PRICKLE2: variants seen among roughly 807,000 people sequenced by gnomAD.
The protein encoded by PRICKLE2 is prickle planar cell polarity protein 2.
A neutral mutation model predicts 81.4 loss-of-function variants in PRICKLE2; 21 were observed. The ratio of observed to expected loss-of-function variants is 0.26; its 90% CI spans 0.18 to 0.37. PRICKLE2 has a LOEUF of 0.37. Ranked by LOEUF, PRICKLE2 falls within the 10% of genes least tolerant of loss-of-function variation. PRICKLE2 has a pLI of 1.00. For missense variants in PRICKLE2, 940 were observed against 1,109.0 expected (o/e 0.85, Z 2.16); for synonymous variants, 456 against 421.5 (o/e 1.08, Z -1.00).
At chr3:64,123,618 T>G (rs2077062834) in intron 7 of PRICKLE2, among the ~76,000 whole-genome samples, 1 of 152,244 alleles carries the variant, frequency 6.6e-6, no homozygotes, top group African/African-American at 2.4e-5. Flanking sequence ...TGTGTCTCTG[T>G]CACATTGTGG....
intron 2 of PRICKLE2, among the ~76,000 whole-genome samples, chr3:64,189,945 T>G (rs2078302232): frequency 6.6e-6 from 1 of 152,112 alleles, no homozygotes; most frequent in Admixed American, 6.5e-5. Context: ...GCAAGCAAGG[T>G]AGTTGGACTG....
chr3:64,126,783 G>C (rs1221744645), intron 7 of PRICKLE2, among the ~76,000 whole-genome samples: 1 of 152,036 alleles, frequency 6.6e-6, no homozygotes, highest in African/African-American at 2.4e-5. Context: ...TCACCACGTT[G>C]GCCAGACTGG....
At chr3:64,187,519 G>A (rs1255254703) in intron 2 of PRICKLE2, 1 of 152,222 alleles carries the variant, frequency 6.6e-6, no homozygotes, top group Non-Finnish European at 1.5e-5. Context: ...GGAGAGACAT[G>A]CATCTCCCTG....
intron 6 of PRICKLE2, among the ~76,000 whole-genome samples, chr3:64,148,982 A>G (rs2077501090): frequency 6.6e-6 from 1 of 152,210 alleles, no homozygotes; most frequent in Admixed American, 6.5e-5. Context: ...TGCTTTCGGT[A>G]AAGAAAAACC....
intron 2 of PRICKLE2, among the ~76,000 whole-genome samples, chr3:64,241,335 C>T (rs1293991570): frequency 6.6e-6 from 1 of 152,168 alleles, no homozygotes. Context: ...TACACTTTTC[C>T]ACAGTCCCCA....
chr3:64,149,571 G>A (rs1375258017), intron 6 of PRICKLE2, among the ~76,000 whole-genome samples: 2 of 152,156 alleles, frequency 1.3e-5, no homozygotes, highest in Admixed American at 1.3e-4. Context: ...AATGATACAC[G>A]GCTTCCCAGA....
chr3:64,202,395 C>G (rs1575661106), intron 1 of PRICKLE2, among the ~76,000 whole-genome samples: 1 of 152,234 alleles, frequency 6.6e-6, no homozygotes, highest in African/African-American at 2.4e-5. Flanking sequence ...TGAACACAGG[C>G]TACCTTTCCA....
intron 2 of PRICKLE2, among the ~76,000 whole-genome samples, chr3:64,257,229 T>C (rs2079539081): frequency 1.3e-5 from 2 of 152,230 alleles, no homozygotes; most frequent in Non-Finnish European, 2.9e-5. Context: ...CCCAACCTTT[T>C]TGGGCAATGT....
chr3:64,188,468 G>A (rs973692510), intron 2 of PRICKLE2, among the ~76,000 whole-genome samples: 5 of 152,154 alleles, frequency 3.3e-5, no homozygotes, highest in African/African-American at 1.2e-4. Context: ...CAGAGTTCTG[G>A]TTTATTTGGT....
At chr3:64,165,448 T>C (rs2077814423) in intron 2 of PRICKLE2, among the ~76,000 whole-genome samples, 1 of 152,150 alleles carries the variant, frequency 6.6e-6, no homozygotes, top group Non-Finnish European at 1.5e-5. Flanking sequence ...ATGTGGCTCT[T>C]AATAAAAATA....
At chr3:64,261,420 C>G (rs1435640050) in intron 2 of PRICKLE2, among the ~76,000 whole-genome samples, 1 of 152,032 alleles carries the variant, frequency 6.6e-6, no homozygotes, top group Non-Finnish European at 1.5e-5. Context: ...ATGATGCAAT[C>G]CTTGCCTTTA....
chr3:64,135,274 T>G (rs2077260907), intron 7 of PRICKLE2, among the ~76,000 whole-genome samples: 1 of 151,752 alleles, frequency 6.6e-6, no homozygotes, highest in Non-Finnish European at 1.5e-5. Context: ...AGAAGCAAAA[T>G]GAATGAGTAT....
intron 2 of PRICKLE2, among the ~76,000 whole-genome samples, chr3:64,177,094 G>T (rs1392516206): frequency 7.9e-6 from 1 of 126,110 alleles, no homozygotes; most frequent in Non-Finnish European, 1.7e-5. Flanking sequence ...TTTTATTGTG[G>T]TATACACATT....
At chr3:64,176,613 A>G (rs113863360) in intron 2 of PRICKLE2, among the ~76,000 whole-genome samples, 124 of 152,368 alleles carry the variant, frequency 8.1e-4, no homozygotes, top group African/African-American at 2.8e-3. Context: ...CTTACTGATC[A>G]CAGGACATTG....
chr3:64,223,128 T>C (rs941391442), intron 1 of PRICKLE2, among the ~76,000 whole-genome samples: 1 of 152,252 alleles, frequency 6.6e-6, no homozygotes, highest in Non-Finnish European at 1.5e-5. Flanking sequence ...GGCAAATGGA[T>C]GTGAACATGT....
intron 2 of PRICKLE2, among the ~76,000 whole-genome samples, chr3:64,180,246 G>A (rs1423071874): frequency 2.0e-5 from 3 of 152,126 alleles, no homozygotes; most frequent in Non-Finnish European, 4.4e-5. Context: ...AAGACCATGT[G>A]GTCCTTGAAG....
intron 7 of PRICKLE2, among the ~76,000 whole-genome samples, chr3:64,129,377 C>T (rs1010663469): frequency 6.6e-6 from 1 of 152,186 alleles, no homozygotes; most frequent in Non-Finnish European, 1.5e-5. Context: ...TAGTAGTTAA[C>T]ACAGTGTCCC....
intron 2 of PRICKLE2, among the ~76,000 whole-genome samples, chr3:64,169,321 C>T (rs1263711213): frequency 6.6e-6 from 1 of 152,128 alleles, no homozygotes; most frequent in East Asian, 1.9e-4. Context: ...AAGTTATGAG[C>T]CTGGACTTCA....
intron 2 of PRICKLE2, among the ~76,000 whole-genome samples, chr3:64,183,854 T>C (rs1339987004): frequency 1.3e-5 from 2 of 152,248 alleles, no homozygotes; most frequent in Non-Finnish European, 2.9e-5. Flanking sequence ...TGCACTTGAA[T>C]GCTCTCTTTT....
Sources: allele counts gnomAD v4.1 joint callset (sites outside exome capture counted in the v4.1 genomes callset), GRCh38; gene constraint gnomAD v4.1.1; transcripts MANE v1.5; gene names NCBI Gene and HGNC (gene_info 2026-07-23, HGNC 2026-07-21).